Variants in GOPC observed in about 807,000 individuals in gnomAD.
The protein encoded by GOPC is Golgi-associated PDZ and coiled-coil motif-containing protein.
GOPC carries 32 observed loss-of-function variants against 51.2 expected under a neutral mutation model. That is an observed-to-expected ratio of 0.63 (90% CI 0.47 to 0.84). GOPC has a LOEUF of 0.84. Among genes scored for constraint, GOPC ranks in the 40% least tolerant of loss-of-function variants. The probability of loss-of-function intolerance (pLI) is 0.00; values close to 1 mark genes in which losing one functional copy is unlikely to be tolerated. For missense variants in GOPC, 441 were observed against 555.5 expected (o/e 0.79, Z 2.07); for synonymous variants, 190 against 205.1 (o/e 0.93, Z 0.63).
At chr6:117,588,939 C>G (rs1328425175) in intron 1 of GOPC, among the ~76,000 whole-genome samples, 1 of 152,028 alleles carries the variant, frequency 6.6e-6, no homozygotes, top group Admixed American at 6.6e-5. Flanking sequence ...GTGGCTCCAC[C>G]ATATAGAGTA....
At position 117,560,386 on chromosome 6, in the gene GOPC, AAT is replaced by A. The variant is rs1354697500; in HGVS notation, c.*2866_*2867del. The A allele has an allele frequency of 1.1e-5, 2 of 184,986 alleles. No homozygotes were observed. The highest frequency in any genetic ancestry group is 4.7e-5 in the African/African-American group (2 of 42,656). The allele number at this position is 184,986 out of a possible 1,614,324, so 11.5% of individuals were successfully genotyped here. A position where few individuals can be genotyped will look rare whatever the true frequency, so the allele number is the denominator to read the frequency against. On this transcript the variant is annotated 3_prime_UTR_variant, in exon 9 of 9. Coordinates refer to ENST00000368498, the MANE Select transcript of GOPC (RefSeq NM_020399.4). ...AAAAATATTAAACTCAACTAGATAT[AAT>A]ACATTATCATAAATGCAATAGATTT...
chr6:117,583,209 G>A (rs987503676), intron 1 of GOPC, among the ~76,000 whole-genome samples: 10 of 152,184 alleles, frequency 6.6e-5, no homozygotes, highest in South Asian at 2.1e-4. Context: ...TCTCATACTC[G>A]TTTGCTCGTG....
chr6:117,578,153 T>G (rs1044865978), intron 2 of GOPC, among the ~76,000 whole-genome samples: 1 of 152,104 alleles, frequency 6.6e-6, no homozygotes, highest in African/African-American at 2.4e-5. Context: ...AAGAAAAGAA[T>G]GTGCTACTGG....
intron 5 of GOPC, 78 bp from the exon 6 acceptor site, chr6:117,571,033 C>T (rs1412510475): frequency 1.7e-6 from 1 of 601,338 alleles, no homozygotes; most frequent in Non-Finnish European, 2.9e-6. Context: ...TACTATATAA[C>T]TTGCTTTTAG....
intron 1 of GOPC, among the ~76,000 whole-genome samples, chr6:117,588,746 T>C (rs9320610): frequency 0.24 from 36,300 of 150,816 alleles, 4,833 homozygotes; most frequent in East Asian, 0.33. Context: ...GTTTAATTTC[T>C]AATACAATAA....
chr6:117,563,110 T>G lies in GOPC; in HGVS notation c.*144A>C, dbSNP rs544882298. The G allele has an allele frequency of 1.6e-5, 11 of 682,560 alleles. No individual in the cohort carries two copies. The African/African-American group carries it at 1.6e-4, about 10-fold the overall frequency. The allele number at this position is 682,560 out of a possible 1,614,324, so 42.3% of individuals were successfully genotyped here. On this transcript the variant is annotated 3_prime_UTR_variant, in exon 9 of 9. Coordinates refer to ENST00000368498, the MANE Select transcript of GOPC (RefSeq NM_020399.4). ...ACAGGGTGTTTTATGCATTGAGAAT[T>G]GTTCACATGAAGCCCTGAGGTACCC...
At position 117,562,436 on chromosome 6, in the gene GOPC, C is replaced by T. The variant is rs1282551561; in HGVS notation, c.*818G>A. 1 of 202,208 alleles carries T rather than the reference C, an allele frequency of 4.9e-6. No homozygotes were observed. Among genetic ancestry groups the T allele is most frequent in the Non-Finnish European group, 1.0e-5 (1 of 98,376 alleles). 12.5% of individuals were successfully genotyped at this position (202,208 alleles called of 1,614,324 possible). ...TATGAACAACTCAAAATGTATAAAA[C>T]TGTCTTTTGTGGACCCCAGAAAACA... On this transcript the variant is annotated 3_prime_UTR_variant, in exon 9 of 9. Transcript: ENST00000368498.
chr6:117,587,836 G>T (rs2114622409), intron 1 of GOPC, among the ~76,000 whole-genome samples: 1 of 152,010 alleles, frequency 6.6e-6, no homozygotes, highest in Admixed American at 6.6e-5. Flanking sequence ...AGTCTTTGCT[G>T]CTATGCACTT....
At chr6:117,581,208 A>G (rs1779952900) in intron 1 of GOPC, among the ~76,000 whole-genome samples, 1 of 152,172 alleles carries the variant, frequency 6.6e-6, no homozygotes, top group African/African-American at 2.4e-5. Flanking sequence ...AGTTACAGGG[A>G]GAACAGAGTA....
Position 117,600,123 on chromosome 6 carries a change from C to T in GOPC, c.285+1881G>A, listed in dbSNP as rs80200092. Among the ~76,000 whole-genome samples the T allele has an allele frequency of 2.0e-4, 30 of 152,200 alleles. 1 individual carries two copies. The East Asian group carries it at 4.6e-3, about 24-fold the overall frequency. On this transcript the variant is annotated intron_variant, in intron 1 of 8. Coordinates refer to ENST00000368498, the MANE Select transcript of GOPC (RefSeq NM_020399.4). ...TTATGGAGACAGAGAAGTCCAAGGT[C>T]GAGGGGCCAGATCTCGAGAAGTCGA...
intron 1 of GOPC, among the ~76,000 whole-genome samples, chr6:117,588,158 A>G (rs72965583): frequency 0.042 from 6,360 of 152,270 alleles, 200 homozygotes; most frequent in Non-Finnish European, 0.061. Context: ...CTTCACTGCT[A>G]TAAAGAAATA....
intron 7 of GOPC, among the ~76,000 whole-genome samples, chr6:117,567,644 T>C (rs1779725367): frequency 6.6e-6 from 1 of 152,140 alleles, no homozygotes. Flanking sequence ...CTCGTACTAA[T>C]AGTAATTACT....
Position 117,602,413 on chromosome 6 carries a change from C to T in GOPC, c.-125G>A, listed in dbSNP as rs921056436. On this transcript the variant is annotated 5_prime_UTR_variant, in exon 1 of 9. Coordinates refer to ENST00000368498, the MANE Select transcript of GOPC (RefSeq NM_020399.4). Reference sequence around the variant, plus strand: ...CACTCCGTCACCTCCCTTCACCTCGCGCCGTTAACGCCAGCAGCACAGTCA... The same window carrying T: ...CACTCCGTCACCTCCCTTCACCTCGTGCCGTTAACGCCAGCAGCACAGTCA... The T allele has an allele frequency of 1.3e-4, 110 of 874,584 alleles. No homozygotes were observed. Among genetic ancestry groups the T allele is most frequent in the Non-Finnish European group, 1.7e-4 (101 of 588,008 alleles). The allele number at this position is 874,584 out of a possible 1,614,324, so 54.2% of individuals were successfully genotyped here.
At position 117,566,943 on chromosome 6, in the gene GOPC, C is replaced by T. The variant is rs1200954192; in HGVS notation, c.1169G>A (p.Arg390His). The change falls in exon 8 of 9, where the codon CGT (arginine) becomes CAT (histidine). Residue 390 changes from arginine (R) to histidine (H), a missense_variant. Transcript: ENST00000368498. ...NVEYEDESGHRYRLYLDELEG... is the reference protein window; with the variant it reads ...NVEYEDESGHHYRLYLDELEG... ...TAACTCATCAAGGTACAAACGGTAA[C>T]GATGTCCACTCTCATCTTCATACTC... is the stretch of plus-strand genomic sequence containing the variant. 13 of 1,611,904 alleles carry T rather than the reference C, an allele frequency of 8.1e-6. No homozygotes were observed. Among genetic ancestry groups the T allele is most frequent in the East Asian group, 2.2e-5 (1 of 44,726 alleles).
chr6:117,586,988 T>C (rs1018309316), intron 1 of GOPC, among the ~76,000 whole-genome samples: 2 of 152,178 alleles, frequency 1.3e-5, no homozygotes, highest in Admixed American at 1.3e-4. Context: ...GTGGTCAAAA[T>C]CACAGAAATC....
chr6:117,588,881 C>T (rs901049358), intron 1 of GOPC, among the ~76,000 whole-genome samples: 2 of 150,792 alleles, frequency 1.3e-5, no homozygotes, highest in Non-Finnish European at 1.5e-5. Flanking sequence ...ACTCCAGAAA[C>T]CAAAAAGTCT....
intron 1 of GOPC, among the ~76,000 whole-genome samples, chr6:117,598,695 G>A (rs1771929201): frequency 6.6e-6 from 1 of 152,146 alleles, no homozygotes; most frequent in Non-Finnish European, 1.5e-5. Flanking sequence ...AGGAGCCAGA[G>A]GTCAGGCTGT....
At position 117,602,145 on chromosome 6, in the gene GOPC, C is replaced by A. The variant is rs1299016494; in HGVS notation, c.144G>T (p.Val48=). Residue 48 remains valine (V), a synonymous_variant, in exon 1 of 9, where the codon GTG becomes GTT. Coordinates refer to ENST00000368498, the MANE Select transcript of GOPC (RefSeq NM_020399.4). ...GATCGATCTCTCCCAGGAGCAGATC[C>A]ACATCCACAAAAGCTTTGTCGAACT... ...EKEFDKAFVD[V]DLLLGEIDPD... 1 of 1,614,118 alleles carries A rather than the reference C, an allele frequency of 6.2e-7. No homozygotes were observed. Among genetic ancestry groups the A allele is most frequent in the South Asian group, 1.1e-5 (1 of 91,078 alleles).
At position 117,562,298 on chromosome 6, in the gene GOPC, G is replaced by T. The variant is rs546467881; in HGVS notation, c.*956C>A. On this transcript the variant is annotated 3_prime_UTR_variant, in exon 9 of 9. Transcript: ENST00000368498. ...TGACTGGAAATCATTTACTTAGAAA[G>T]AAAACTGCCGTTTGATTTGAATGTA... 9.8e-6 allele frequency: 2 copies of T among 204,716 alleles called. No homozygotes were observed. Among genetic ancestry groups the T allele is most frequent in the Non-Finnish European group, 2.0e-5 (2 of 100,058 alleles). 12.7% of individuals were successfully genotyped at this position (204,716 alleles called of 1,614,324 possible).
Sources: allele counts gnomAD v4.1 joint callset (sites outside exome capture counted in the v4.1 genomes callset), GRCh38; gene constraint gnomAD v4.1.1; transcripts MANE v1.5; gene names NCBI Gene and HGNC (gene_info 2026-07-23, HGNC 2026-07-21).